Variants in TBC1D5 observed in about 807,000 individuals in gnomAD.
TBC1D5 encodes the protein TBC1 domain family, member 5.
A neutral mutation model predicts 100.3 loss-of-function variants in TBC1D5; 75 were observed. The ratio of observed to expected loss-of-function variants is 0.75; its 90% CI spans 0.62 to 0.91. The LOEUF is 0.91. Among genes scored for constraint, TBC1D5 ranks in the 40% least tolerant of loss-of-function variants. TBC1D5 has a pLI of 0.00. For missense variants in TBC1D5, 910 were observed against 942.4 expected (o/e 0.97, Z 0.45); for synonymous variants, 323 against 325.6 (o/e 0.99, Z 0.09).
At chr3:17,233,989 C>A (rs940156189) in intron 17 of TBC1D5, among the ~76,000 whole-genome samples, 1 of 151,972 alleles carries the variant, frequency 6.6e-6, no homozygotes, top group Non-Finnish European at 1.5e-5. Context: ...CAAGTTTCAA[C>A]TAGAGTATAG....
intron 1 of TBC1D5, among the ~76,000 whole-genome samples, chr3:17,678,022 G>C (rs1259676270): frequency 6.6e-6 from 1 of 152,144 alleles, no homozygotes; most frequent in Non-Finnish European, 1.5e-5. Flanking sequence ...GATAGCATTA[G>C]GAGATATACC....
chr3:17,574,576 C>T (rs1240117693), intron 2 of TBC1D5, among the ~76,000 whole-genome samples: 38 of 152,084 alleles, frequency 2.5e-4, no homozygotes, highest in Admixed American at 2.5e-3. Context: ...CTTAGTCTCT[C>T]AGAGAGTGGA....
chr3:17,644,580 C>T (rs543210121), intron 1 of TBC1D5, among the ~76,000 whole-genome samples: 1 of 152,204 alleles, frequency 6.6e-6, no homozygotes, highest in Admixed American at 6.5e-5. Context: ...CTGCAGGCTA[C>T]AAAAGTTGAA....
At chr3:17,218,738 T>A (rs1284444820) in intron 17 of TBC1D5, among the ~76,000 whole-genome samples, 1 of 152,036 alleles carries the variant, frequency 6.6e-6, no homozygotes, top group Non-Finnish European at 1.5e-5. Flanking sequence ...CCTACTGCCT[T>A]CTTAACTCTC....
intron 2 of TBC1D5, among the ~76,000 whole-genome samples, chr3:17,513,069 T>C (rs112560931): frequency 0.069 from 10,502 of 152,092 alleles, 712 homozygotes; most frequent in African/African-American, 0.18. Flanking sequence ...CATGGTGGCT[T>C]ATGTCTATAA....
chr3:17,265,301 T>C (rs971697374), intron 15 of TBC1D5, among the ~76,000 whole-genome samples: 1 of 152,160 alleles, frequency 6.6e-6, no homozygotes, highest in Non-Finnish European at 1.5e-5. Flanking sequence ...ATTTACAGTA[T>C]AATGTATGTT....
At chr3:17,687,606 T>A (rs2070494655) in intron 1 of TBC1D5, among the ~76,000 whole-genome samples, 1 of 152,098 alleles carries the variant, frequency 6.6e-6, no homozygotes, top group Non-Finnish European at 1.5e-5. Context: ...GGGGCCCAAG[T>A]TCCTTCCACC....
intron 3 of TBC1D5, among the ~76,000 whole-genome samples, chr3:17,487,031 T>C (rs1312810124): frequency 6.6e-6 from 1 of 152,212 alleles, no homozygotes; most frequent in African/African-American, 2.4e-5. Context: ...TAGTGATAGT[T>C]AATTCTACAA....
chr3:17,532,495 C>T (rs1367168302), intron 2 of TBC1D5, among the ~76,000 whole-genome samples: 1 of 152,072 alleles, frequency 6.6e-6, no homozygotes, highest in Non-Finnish European at 1.5e-5. Flanking sequence ...GGTGTATACC[C>T]AAAGGATTAT....
intron 19 of TBC1D5, among the ~76,000 whole-genome samples, chr3:17,178,167 G>A (rs938481494): frequency 5.8e-4 from 87 of 149,416 alleles, no homozygotes; most frequent in Non-Finnish European, 8.0e-4. Context: ...CTGGGTTCAC[G>A]CCATTCTCCT....
intron 10 of TBC1D5, among the ~76,000 whole-genome samples, chr3:17,375,549 C>T (rs1468460517): frequency 6.7e-5 from 10 of 149,792 alleles, no homozygotes; most frequent in Admixed American, 6.6e-4. Flanking sequence ...AAGACTCTGT[C>T]TCAAAACATA....
At chr3:17,530,274 G>T (rs980674348) in intron 2 of TBC1D5, among the ~76,000 whole-genome samples, 2 of 148,450 alleles carry the variant, frequency 1.3e-5, no homozygotes, top group African/African-American at 4.9e-5. Flanking sequence ...GGAAAAAACT[G>T]ATCCAACCTA....
intron 2 of TBC1D5, among the ~76,000 whole-genome samples, chr3:17,605,591 T>C (rs1253965151): frequency 6.6e-6 from 1 of 152,186 alleles, no homozygotes; most frequent in Non-Finnish European, 1.5e-5. Context: ...AAAAGGATAG[T>C]CTTTTTTAGT....
At chr3:17,246,132 A>T (rs1037013709) in intron 16 of TBC1D5, among the ~76,000 whole-genome samples, 1 of 152,234 alleles carries the variant, frequency 6.6e-6, no homozygotes, top group Admixed American at 6.5e-5. Context: ...AGAAGCCAAT[A>T]AAATATAAAG....
At chr3:17,449,812 A>G (rs969440998) in intron 3 of TBC1D5, among the ~76,000 whole-genome samples, 6 of 152,208 alleles carry the variant, frequency 3.9e-5, no homozygotes, top group Non-Finnish European at 7.3e-5. Flanking sequence ...CAGCTTCAGC[A>G]GACTTAAACA....
intron 1 of TBC1D5, among the ~76,000 whole-genome samples, chr3:17,704,676 G>A (rs1403335115): frequency 9.1e-5 from 6 of 65,990 alleles, no homozygotes; most frequent in African/African-American, 1.5e-4. Context: ...CCTCCCGGAC[G>A]GGGCGGCTGG....
At chr3:17,217,235 T>C (rs1002110501) in intron 17 of TBC1D5, among the ~76,000 whole-genome samples, 6 of 152,186 alleles carry the variant, frequency 3.9e-5, no homozygotes, top group Non-Finnish European at 8.8e-5. Flanking sequence ...CCAAATAATA[T>C]TCCATTGTAT....
intron 12 of TBC1D5, 26 bp from the exon 13 acceptor site, chr3:17,372,273 A>G (rs769912378): frequency 6.4e-7 from 1 of 1,561,974 alleles, no homozygotes; most frequent in Non-Finnish European, 8.7e-7. Flanking sequence ...TTGAACATGT[A>G]TTATTTAAAT....
chr3:17,481,180 C>T (rs965010534), intron 3 of TBC1D5, among the ~76,000 whole-genome samples: 4 of 152,222 alleles, frequency 2.6e-5, no homozygotes, highest in South Asian at 4.1e-4. Flanking sequence ...CTGATCAAGC[C>T]GCAGCTTTGC....
Sources: allele counts gnomAD v4.1 joint callset (sites outside exome capture counted in the v4.1 genomes callset), GRCh38; gene constraint gnomAD v4.1.1; transcripts MANE v1.5; gene names NCBI Gene and HGNC (gene_info 2026-07-23, HGNC 2026-07-21).